The following JPT1 variants were observed in gnomAD, a reference collection of about 807,000 sequenced individuals.
JPT1 encodes Jupiter microtubule associated homolog 1, also known as androgen-regulated protein 2.
In JPT1, 5 loss-of-function variants were observed where a neutral mutation model predicts 17.0. The ratio of observed to expected loss-of-function variants is 0.29; its 90% CI spans 0.15 to 0.62. JPT1 has a LOEUF of 0.62. Among genes scored for constraint, JPT1 ranks in the 20% least tolerant of loss-of-function variants. The pLI, the probability that JPT1 is intolerant of heterozygous loss-of-function variation, is 0.85. For synonymous variants in JPT1, 71 were observed against 73.6 expected (o/e 0.96, Z 0.18); for missense variants, 158 against 188.1 (o/e 0.84, Z 0.94).
At chr17:75,152,573 A>G (rs2074571268) in intron 1 of JPT1, among the ~76,000 whole-genome samples, 2 of 152,220 alleles carry the variant, frequency 1.3e-5, no homozygotes, top group African/African-American at 4.8e-5. Context: ...ATCAGAACTC[A>G]TTTGTCTCAC....
At chr17:75,136,659 T>C (rs1428368860) in intron 4 of JPT1, among the ~76,000 whole-genome samples, 1 of 152,176 alleles carries the variant, frequency 6.6e-6, no homozygotes. Flanking sequence ...GCCCGGCTAA[T>C]TCTTGTATTT....
At chr17:75,143,839 G>GA (rs903962686) in intron 4 of JPT1, among the ~76,000 whole-genome samples, 15 of 143,258 alleles carry the variant, frequency 1.0e-4, no homozygotes, top group South Asian at 2.2e-4. Flanking sequence ...CTCCATCTCA[G>GA]AAAAAAAAAA....
At chr17:75,147,722 G>T in intron 2 of JPT1, 69 bp from the exon 3 acceptor site, 1 of 1,253,148 alleles carries the variant, frequency 8.0e-7, no homozygotes, top group Non-Finnish European at 1.2e-6. Context: ...CTTCAGGCTG[G>T]GCACGGTGGC....
chr17:75,136,437 T>TTCA (rs2074199222), intron 4 of JPT1, among the ~76,000 whole-genome samples, 187 bp from the exon 5 acceptor site: 1 of 152,192 alleles, frequency 6.6e-6, no homozygotes, highest in Non-Finnish European at 1.5e-5. Context: ...TTTTCCCATA[T>TTCA]TTGTTGTTTA....
In JPT1 at chr17:75,136,213, C is replaced by T; in HGVS notation, c.354G>A (p.Gln118=). 1 of 1,603,504 alleles carries T rather than the reference C, an allele frequency of 6.2e-7. No individual in the cohort carries two copies. Residue 118 remains glutamine, a synonymous_variant, in exon 5 of 5, where the codon CAG becomes CAA. Transcript: ENST00000409753. Reference sequence around the variant, plus strand: ...CAGCAGGCACGGGCTTCTCTTCACTCTGCCCCAGGCTGCCTGGCAAGTCTG... The same window carrying T: ...CAGCAGGCACGGGCTTCTCTTCACTTTGCCCCAGGCTGCCTGGCAAGTCTG... ...VDTDLPGSLG[Q]SEEKPVPAAP... is the part of the protein sequence containing the mutation.
In JPT1 at chr17:75,135,818, A is replaced by G; in HGVS notation, c.*284T>C. 3.3e-6 allele frequency: 2 copies of G among 601,878 alleles called. No individual in the cohort carries two copies. The highest frequency in any genetic ancestry group is 2.8e-5 in the East Asian group (1 of 35,556). The allele number at this position is 601,878 out of a possible 1,614,324, so 37.3% of individuals were successfully genotyped here. On this transcript the variant is annotated 3_prime_UTR_variant, in exon 5 of 5. Transcript: ENST00000409753. The stretch of plus-strand genomic sequence containing the variant: ...AAAACCTCAGTACAAAAGATCCTCT[A>G]ACACATCTGGAACCAAATTATTTCT...
intron 1 of JPT1, 56 bp downstream of exon 1, chr17:75,154,286 G>C: frequency 7.2e-7 from 1 of 1,388,956 alleles, no homozygotes; most frequent in South Asian, 1.4e-5. Context: ...CCCGCCGGCA[G>C]CGGCCCTCCC....
At chr17:75,141,092 A>G (rs11077776) in intron 4 of JPT1, 72,989 of 149,626 alleles carry the variant, frequency 0.49, 21,076 homozygotes, top group Non-Finnish European at 0.65. Flanking sequence ...CTCCATCTCA[A>G]AAACAAAACA....
intron 3 of JPT1, among the ~76,000 whole-genome samples, chr17:75,147,016 G>T (rs547847034): frequency 1.3e-5 from 2 of 152,116 alleles, no homozygotes; most frequent in Non-Finnish European, 2.9e-5. Flanking sequence ...TCCTTTCCCC[G>T]ATAAGGGGAA....
At chr17:75,143,106 C>T (rs934987719) in intron 4 of JPT1, among the ~76,000 whole-genome samples, 1 of 152,180 alleles carries the variant, frequency 6.6e-6, no homozygotes, top group Non-Finnish European at 1.5e-5. Flanking sequence ...CTGCTCCATA[C>T]CCTGGAGGAG....
intron 4 of JPT1, 118 bp downstream of exon 4, chr17:75,146,548 G>T: frequency 4.3e-6 from 3 of 693,804 alleles, no homozygotes; most frequent in South Asian, 1.8e-5. Flanking sequence ...GGCGGCACTT[G>T]GGGCATGGCC....
In JPT1 at chr17:75,154,509, C is replaced by G. The variant is rs567143805; in HGVS notation, c.-112G>C. On this transcript the variant is annotated 5_prime_UTR_variant, in exon 1 of 5. Coordinates refer to ENST00000409753, the MANE Select transcript of JPT1 (RefSeq NM_016185.4). ...AGCCGACCACCGCTGCAGGAGCCGC[C>G]GCTGCCGCCTGTCCGGCCGATCGAC... 1.0e-6 allele frequency: 1 copy of G among 965,866 alleles called. No individual in the cohort carries two copies. Among genetic ancestry groups the G allele is most frequent in the Non-Finnish European group, 1.5e-6 (1 of 659,028 alleles). The allele number at this position is 965,866 out of a possible 1,614,324, so 59.8% of individuals were successfully genotyped here. A position where few individuals can be genotyped will look rare whatever the true frequency, so the allele number is the denominator to read the frequency against.
At chr17:75,136,637 G>A (rs769581359) in intron 4 of JPT1, among the ~76,000 whole-genome samples, 2 of 152,072 alleles carry the variant, frequency 1.3e-5, no homozygotes, top group African/African-American at 2.4e-5. Context: ...GATTACAGGC[G>A]CCTGCCGCCA....
At chr17:75,150,283 C>T (rs557254264) in intron 1 of JPT1, among the ~76,000 whole-genome samples, 4 of 151,076 alleles carry the variant, frequency 2.6e-5, no homozygotes, top group Non-Finnish European at 5.9e-5. Context: ...GGCACAATCT[C>T]GCTCTTGTCG....
At position 75,146,700 on chromosome 17, in the gene JPT1, A is replaced by C; in HGVS notation, c.298-16T>G. Reference sequence around the variant, plus strand: ...CACCTTCTCCCTAGAAAAGAAAAAAATTCAAAAATTTACTTCCTATTTTAA... The same window carrying C: ...CACCTTCTCCCTAGAAAAGAAAAAACTTCAAAAATTTACTTCCTATTTTAA... On this transcript the variant is annotated splice_polypyrimidine_tract_variant and intron_variant, in intron 3 of 4. Transcript: ENST00000409753. 6.7e-7 allele frequency: 1 copy of C among 1,502,920 alleles called. No individual in the cohort carries two copies. Among genetic ancestry groups the C allele is most frequent in the Non-Finnish European group, 9.1e-7 (1 of 1,103,104 alleles). 93.1% of individuals were successfully genotyped at this position (1,502,920 alleles called of 1,614,324 possible). A position where few individuals can be genotyped will look rare whatever the true frequency, so the allele number is the denominator to read the frequency against.
chr17:75,148,696 C>T, intron 1 of JPT1, 25 bp from the exon 2 acceptor site: 1 of 1,611,936 alleles, frequency 6.2e-7, no homozygotes, highest in South Asian at 1.1e-5. Flanking sequence ...AAAACATCAA[C>T]TTCAGATCAT....
chr17:75,151,676 TAAAA>T (rs569963358), intron 1 of JPT1, among the ~76,000 whole-genome samples: 68 of 145,278 alleles, frequency 4.7e-4, no homozygotes, highest in Admixed American at 3.8e-3. Flanking sequence ...ATAAATTAAT[TAAAA>T]AAAATAAGGC....
intron 3 of JPT1, among the ~76,000 whole-genome samples, chr17:75,147,051 C>G (rs969238260): frequency 3.3e-5 from 5 of 152,088 alleles, no homozygotes; most frequent in African/African-American, 1.2e-4. Context: ...ATGGAAGGAC[C>G]CCTATCAGTT....
At chr17:75,142,815 ACATACATCTTCGGTCCAATG>A (rs1357292253) in intron 4 of JPT1, 1 of 455,928 alleles carries the variant, frequency 2.2e-6, no homozygotes, top group Non-Finnish European at 4.4e-6. Flanking sequence ...AGTAATTAAT[ACATACATCTTCGGTCCAATG>A]CAAAAGTAAC....
Sources: gnomAD v4.1 joint callset for allele counts (sites outside exome capture counted in the v4.1 genomes callset) on GRCh38, gnomAD v4.1.1 for gene constraint, MANE v1.5 for transcripts, NCBI Gene and HGNC (gene_info 2026-07-23, HGNC 2026-07-21) for gene names.